GEN1: variants seen among roughly 807,000 people sequenced by gnomAD.
The protein encoded by GEN1 is flap endonuclease GEN homolog 1.
GEN1 carries 64 observed loss-of-function variants against 67.6 expected under a neutral mutation model. The ratio of observed to expected loss-of-function variants is 0.95; its 90% CI spans 0.77 to 1.17. GEN1 has a LOEUF of 1.17. GEN1 is among the 50% of genes most tolerant of loss of function. GEN1 has a pLI of 0.00. For synonymous variants in GEN1, 371 were observed against 359.4 expected, an observed-to-expected ratio of 1.03 and a Z score of -0.37; for missense variants, 1,058 against 1,048.3, an observed-to-expected ratio of 1.01 and a Z score of -0.13.
Position 17,781,677 on chromosome 2 carries a change from A to G in GEN1, c.2465A>G (p.His822Arg). 6.2e-7 allele frequency: 1 copy of G among 1,614,038 alleles called. No homozygotes were observed. The highest frequency in any genetic ancestry group is 8.5e-7 in the Non-Finnish European group (1 of 1,179,932). The change falls in exon 14 of 14, where the codon CAC (histidine) becomes CGC (arginine). Residue 822 changes from histidine to arginine, a missense_variant. Coordinates refer to ENST00000381254, the MANE Select transcript of GEN1 (RefSeq NM_001130009.3). ...AAGTACACAACTCAAAGAATGAAGC[A>G]CAGTTCTCAAAAGCATAATTCATCC... ...KAKYTTQRMK[H>R]SSQKHNSSHF... is the part of the protein sequence containing the mutation.
At position 17,778,149 on chromosome 2, in the gene GEN1, TATATAC is replaced by T. The variant is rs745650970; in HGVS notation, c.1264+88_1264+93del. On this transcript the variant is annotated intron_variant, in intron 12 of 13. Transcript: ENST00000381254. ...AATATTGTATATGTGTATATATATA[TATATAC>T]ACACACACATAGATATGTGTATATA... 8.6e-4 allele frequency: 478 copies of T among 558,884 alleles called. 3 individuals are homozygous for T. The highest frequency in any genetic ancestry group is 4.8e-3 in the East Asian group (134 of 28,204). 34.6% of individuals were successfully genotyped at this position (558,884 alleles called of 1,614,324 possible).
At chr2:17,762,068 A>G (rs1186635309) in intron 3 of GEN1, among the ~76,000 whole-genome samples, 4 of 151,878 alleles carry the variant, frequency 2.6e-5, no homozygotes, top group Non-Finnish European at 4.4e-5. Flanking sequence ...CTGTCGTTAC[A>G]TTATAATATA....
intron 11 of GEN1, among the ~76,000 whole-genome samples, chr2:17,775,509 G>A (rs557431927): frequency 2.1e-4 from 32 of 152,188 alleles, no homozygotes; most frequent in African/African-American, 7.7e-4. Flanking sequence ...AATTATAGTC[G>A]CAATACATGA....
At chr2:17,768,665 C>T (rs1044992324) in intron 5 of GEN1, 73 bp from the exon 6 acceptor site, 18 of 1,091,302 alleles carry the variant, frequency 1.6e-5, no homozygotes, top group Middle Eastern at 2.1e-4. Context: ...CTGACTCTTC[C>T]GTTCAATTAA....
At chr2:17,758,724 C>T (rs752332784) in intron 1 of GEN1, among the ~76,000 whole-genome samples, 42 of 152,114 alleles carry the variant, frequency 2.8e-4, no homozygotes, top group Non-Finnish European at 5.6e-4. Flanking sequence ...TGTGGTGGCT[C>T]ATGCCTGTAA....
rs1182751223 is a variant in GEN1, at chr2:17,783,575, C to A, written c.*1636C>A. On this transcript the variant is annotated 3_prime_UTR_variant, in exon 14 of 14. Coordinates refer to ENST00000381254, the MANE Select transcript of GEN1 (RefSeq NM_001130009.3). The stretch of plus-strand genomic sequence containing the variant: ...CTTGAAAGAGTTTGAATGACCCACC[C>A]TTCCTGATTTTAAGTATACAGAACT... The A allele has an allele frequency of 1.3e-5, 2 of 152,192 alleles. No individual in the cohort carries two copies. The highest frequency in any genetic ancestry group is 3.8e-4 in the East Asian group (2 of 5,200). 9.4% of individuals were successfully genotyped at this position (152,192 alleles called of 1,614,324 possible).
rs1285821377 is a variant in GEN1, at chr2:17,766,575, T to C, written c.526-4T>C. ...GGATTAAACTAAATCTGTTCTTTCTTTAGGACCCACATGTTGACTGTTACA... is the reference window on the plus strand; with the variant it reads ...GGATTAAACTAAATCTGTTCTTTCTCTAGGACCCACATGTTGACTGTTACA... On this transcript the variant is annotated splice_polypyrimidine_tract_variant and splice_region_variant and intron_variant, in intron 4 of 13. Coordinates refer to ENST00000381254, the MANE Select transcript of GEN1 (RefSeq NM_001130009.3). The C allele has an allele frequency of 3.2e-5, 48 of 1,496,110 alleles. No homozygotes were observed. The highest frequency in any genetic ancestry group is 4.4e-5 in the Non-Finnish European group (48 of 1,078,676). 92.7% of individuals were successfully genotyped at this position (1,496,110 alleles called of 1,614,324 possible).
intron 11 of GEN1, among the ~76,000 whole-genome samples, 186 bp from the exon 12 acceptor site, chr2:17,777,816 A>G (rs2125162288): frequency 6.6e-6 from 1 of 152,208 alleles, no homozygotes; most frequent in East Asian, 1.9e-4. Flanking sequence ...AGAAGAACTA[A>G]CAGTAATAAA....
At chr2:17,767,978 G>A (rs1213563421) in intron 5 of GEN1, among the ~76,000 whole-genome samples, 1 of 152,182 alleles carries the variant, frequency 6.6e-6, no homozygotes, top group African/African-American at 2.4e-5. Flanking sequence ...TCTCTTTTTA[G>A]TAGCTGGATT....
At chr2:17,778,152 A>ATG in intron 12 of GEN1, 89 bp downstream of exon 12, 1 of 375,924 alleles carries the variant, frequency 2.7e-6, no homozygotes, top group Admixed American at 4.8e-5. Flanking sequence ...ATATATATAT[A>ATG]TACACACACA....
chr2:17,760,566 C>A (rs1489927332), intron 2 of GEN1, among the ~76,000 whole-genome samples: 2 of 152,218 alleles, frequency 1.3e-5, no homozygotes, highest in African/African-American at 4.8e-5. Context: ...TTGGCCTCCC[C>A]TACCCCAGAC....
chr2:17,781,034 CATG>C lies in GEN1; in HGVS notation c.1825_1827del (p.Asp609del). 1.2e-6 allele frequency: 2 copies of C among 1,613,824 alleles called. No individual in the cohort carries two copies. Among genetic ancestry groups the C allele is most frequent in the Non-Finnish European group, 1.7e-6 (2 of 1,179,822 alleles). On this transcript the variant is annotated inframe_deletion, in exon 14 of 14. Coordinates refer to ENST00000381254, the MANE Select transcript of GEN1 (RefSeq NM_001130009.3). Reference sequence around the variant, plus strand: ...AGCTATTCAAAGGAATACTTTTTCTCATGATTTAAAATCAGAAGTTGAATCAGA... The same window carrying C: ...AGCTATTCAAAGGAATACTTTTTCTCATTTAAAATCAGAAGTTGAATCAGA...
chr2:17,777,720 C>T (rs566658426), intron 11 of GEN1, among the ~76,000 whole-genome samples: 1 of 151,998 alleles, frequency 6.6e-6, no homozygotes, highest in Non-Finnish European at 1.5e-5. Context: ...ACTGTACTTA[C>T]CAAAGTAATA....
rs300175 is a variant in GEN1, at chr2:17,772,760, G to A, written c.929G>A (p.Ser310Asn). 1,605,876 of 1,611,290 alleles carry A rather than the reference G, an allele frequency of 1. 800,326 individuals are homozygous for A. The highest frequency in any genetic ancestry group is 1 in the East Asian group (44,782 of 44,784). The part of the protein sequence containing the change: ...WHRTEHDRQL[S>N]EVENNIKKKA... ...CGTACAGAACATGATAGGCAACTCA[G>A]TGAAGTAGAGAACAATATTAAGAAG... is the stretch of plus-strand genomic sequence containing the variant. The change falls in exon 8 of 14, where the codon AGT (serine) becomes AAT (asparagine). Residue 310 changes from serine to asparagine, a missense_variant. Physicochemically the swap from Ser to Asn is conservative, Grantham distance 46. Transcript: ENST00000381254.
chr2:17,771,310 T>C (rs1223050848), intron 7 of GEN1, 23 bp downstream of exon 7: 1 of 1,300,340 alleles, frequency 7.7e-7, no homozygotes, highest in African/African-American at 1.5e-5. Flanking sequence ...AGGGAATGGT[T>C]ATTAGTATCT....
At chr2:17,773,074 A>G (rs1435921000) in intron 8 of GEN1, 22 bp from the exon 9 acceptor site, 2 of 1,478,078 alleles carry the variant, frequency 1.4e-6, no homozygotes, top group East Asian at 2.3e-5. Flanking sequence ...TAGTAATAAC[A>G]TGTATATAAT....
At chr2:17,761,619 A>T (rs377555877) in intron 3 of GEN1, 37 bp downstream of exon 3, 5 of 1,417,392 alleles carry the variant, frequency 3.5e-6, no homozygotes, top group Non-Finnish European at 4.9e-6. Flanking sequence ...TTCCGATTTG[A>T]ATTAAAGGGT....
intron 3 of GEN1, among the ~76,000 whole-genome samples, chr2:17,764,033 A>G (rs1671807224): frequency 6.6e-6 from 1 of 152,252 alleles, no homozygotes; most frequent in East Asian, 1.9e-4. Context: ...AGAATGGCGT[A>G]TTACAAGAAA....
intron 5 of GEN1, among the ~76,000 whole-genome samples, chr2:17,768,300 C>T (rs528453049): frequency 1.7e-4 from 26 of 152,256 alleles, no homozygotes; most frequent in Non-Finnish European, 3.2e-4. Flanking sequence ...AACGTTCCTT[C>T]GTTCTCTGTT....
Sources: gnomAD v4.1 joint callset for allele counts (sites outside exome capture counted in the v4.1 genomes callset) on GRCh38, gnomAD v4.1.1 for gene constraint, MANE v1.5 for transcripts, NCBI Gene and HGNC (gene_info 2026-07-23, HGNC 2026-07-21) for gene names.